The following CLHC1 variants were observed in gnomAD, a reference collection of about 807,000 sequenced individuals.
CLHC1 encodes the protein clathrin heavy chain linker domain containing 1.
A neutral mutation model predicts 69.5 loss-of-function variants in CLHC1; 72 were observed. That is an observed-to-expected ratio of 1.04 (90% CI 0.86 to 1.26). CLHC1 has a LOEUF of 1.26. Among genes scored for constraint, CLHC1 ranks in the 50% most tolerant of loss-of-function variants. CLHC1 has a pLI of 0.00. For missense variants in CLHC1, 790 were observed against 679.3 expected (o/e 1.16, Z -1.81); for synonymous variants, 223 against 224.3 (o/e 0.99, Z 0.05).
chr2:55,189,846 C>T (rs1264602406), intron 9 of CLHC1, among the ~76,000 whole-genome samples: 1 of 152,152 alleles, frequency 6.6e-6, no homozygotes, highest in East Asian at 1.9e-4. Context: ...AACTCTTCCA[C>T]CAGAATGGCA....
intron 9 of CLHC1, among the ~76,000 whole-genome samples, chr2:55,194,499 T>TC (rs1671211725): frequency 6.6e-6 from 1 of 151,674 alleles, no homozygotes; most frequent in Admixed American, 6.6e-5. Flanking sequence ...GGCAGAAATA[T>TC]CTCCTTTTAT....
chr2:55,181,784 G>A, intron 9 of CLHC1, 40 bp from the exon 10 acceptor site: 2 of 1,528,044 alleles, frequency 1.3e-6, no homozygotes, highest in South Asian at 1.2e-5. Context: ...AATACTTTAA[G>A]AAATAGTTTG....
chr2:55,217,857 T>A lies in CLHC1; in HGVS notation c.319A>T (p.Thr107Ser), dbSNP rs149195261. ...CTTTTCCTGTAATATACCAAAGCTG[T>A]AGGCTCTGCTGCCAAACCTTTAAGT... is the stretch of plus-strand genomic sequence containing the variant. ...GKLKGLAAEP[T>S]ALVYYRKRTI... Residue 107 changes from threonine to serine, a missense_variant, in exon 4 of 13, where the codon ACA becomes TCA. Transcript: ENST00000401408. The A allele has an allele frequency of 1.2e-6, 2 of 1,605,360 alleles. No individual in the cohort carries two copies. The highest frequency in any genetic ancestry group is 1.7e-6 in the Non-Finnish European group (2 of 1,177,222).
Position 55,229,150 on chromosome 2 carries a change from CAAAA to C in CLHC1, c.-255-950_-255-947del, listed in dbSNP as rs34823201. On this transcript the variant is annotated intron_variant, in intron 1 of 12. Transcript: ENST00000401408. ...TGGGCGACAGAGGGAGATTCTGTCT[CAAAA>C]AAAAAAAAAAAAAAAGAAAGAAAAA... 8.6e-3 allele frequency among the ~76,000 whole-genome samples: 935 copies of C among 108,204 alleles called. 2 individuals are homozygous for C. The highest frequency in any genetic ancestry group is 0.012 in the Non-Finnish European group (664 of 55,980). 71.0% of individuals were successfully genotyped at this position (108,204 alleles called of 152,430 possible).
chr2:55,229,798 G>A (rs772559277), intron 1 of CLHC1, among the ~76,000 whole-genome samples: 148 of 152,342 alleles, frequency 9.7e-4, no homozygotes, highest in Non-Finnish European at 1.7e-3. Context: ...TCTTGGCCAG[G>A]CATGGTGGCT....
At chr2:55,214,142 A>G (rs978205554) in intron 4 of CLHC1, among the ~76,000 whole-genome samples, 1 of 152,218 alleles carries the variant, frequency 6.6e-6, no homozygotes, top group Non-Finnish European at 1.5e-5. Flanking sequence ...AGGGTTCAGG[A>G]GAGCCTGAGT....
chr2:55,201,024 A>C (rs944833758), intron 9 of CLHC1, among the ~76,000 whole-genome samples: 6 of 152,100 alleles, frequency 3.9e-5, no homozygotes, highest in Non-Finnish European at 7.4e-5. Context: ...ATAGGATAAC[A>C]ATGAAAGCAG....
chr2:55,175,998 AAATAC>A lies in CLHC1; in HGVS notation c.1565-17_1565-13del. On this transcript the variant is annotated splice_polypyrimidine_tract_variant and intron_variant, in intron 12 of 12. Coordinates refer to ENST00000401408, the MANE Select transcript of CLHC1 (RefSeq NM_152385.4). Reference sequence around the variant, plus strand: ...ACTTTCTACTGCATCTGTGGGGAAAAAATACAATATTATAGTATGGCACTTATTTG... The same window carrying A: ...ACTTTCTACTGCATCTGTGGGGAAAAAATATTATAGTATGGCACTTATTTG... The A allele has an allele frequency of 6.2e-7, 1 of 1,601,258 alleles. No individual in the cohort carries two copies. Among genetic ancestry groups the A allele is most frequent in the Non-Finnish European group, 8.6e-7 (1 of 1,169,094 alleles).
chr2:55,208,912 C>T (rs1234553850), intron 7 of CLHC1, among the ~76,000 whole-genome samples: 3 of 144,886 alleles, frequency 2.1e-5, no homozygotes, highest in Non-Finnish European at 3.0e-5. Context: ...GCTCTGTCAC[C>T]CAGGCTGGAG....
At chr2:55,180,448 G>T in intron 11 of CLHC1, 62 bp downstream of exon 11, 2 of 1,208,134 alleles carry the variant, frequency 1.7e-6, no homozygotes, top group Non-Finnish European at 2.4e-6. Context: ...TGCTATTATG[G>T]GTAATCTTAC....
chr2:55,221,057 CTT>C (rs1192523655), intron 3 of CLHC1, among the ~76,000 whole-genome samples: 1 of 152,180 alleles, frequency 6.6e-6, no homozygotes, highest in African/African-American at 2.4e-5. Context: ...CTGAACCTCA[CTT>C]TCTCTTAGAG....
At chr2:55,190,583 G>C (rs938551748) in intron 9 of CLHC1, among the ~76,000 whole-genome samples, 64 of 152,220 alleles carry the variant, frequency 4.2e-4, no homozygotes, top group Non-Finnish European at 2.2e-4. Flanking sequence ...AAGTTACAGA[G>C]ATGAAAACTA....
intron 5 of CLHC1, among the ~76,000 whole-genome samples, chr2:55,211,259 T>G (rs1672972085): frequency 6.6e-6 from 1 of 152,108 alleles, no homozygotes; most frequent in Admixed American, 6.5e-5. Flanking sequence ...CCCAGCACTT[T>G]GGGAGGCCGA....
At chr2:55,178,632 G>A (rs1316447012) in intron 11 of CLHC1, among the ~76,000 whole-genome samples, 2 of 151,998 alleles carry the variant, frequency 1.3e-5, no homozygotes, top group Non-Finnish European at 2.9e-5. Context: ...GAGATTACAG[G>A]CATGCCCCAC....
chr2:55,200,035 G>A (rs1558478185), intron 9 of CLHC1, among the ~76,000 whole-genome samples: 1 of 151,842 alleles, frequency 6.6e-6, no homozygotes. Flanking sequence ...ATCAGCCCAG[G>A]CAACATGGTG....
intron 9 of CLHC1, among the ~76,000 whole-genome samples, chr2:55,190,722 A>T (rs10175803): frequency 0.25 from 37,882 of 152,126 alleles, 5,194 homozygotes; most frequent in African/African-American, 0.35. Flanking sequence ...TGGACAAAGA[A>T]TAAATGAGCT....
At chr2:55,215,178 G>C (rs767975174) in intron 4 of CLHC1, 1 of 152,198 alleles carries the variant, frequency 6.6e-6, no homozygotes, top group Non-Finnish European at 1.5e-5. Context: ...TGACTGGCCA[G>C]ATGTTGAGAT....
chr2:55,190,342 C>T (rs1031129542), intron 9 of CLHC1, among the ~76,000 whole-genome samples: 2 of 152,178 alleles, frequency 1.3e-5, no homozygotes, highest in East Asian at 3.9e-4. Context: ...CCACCATGCC[C>T]AGCCTAAAAT....
chr2:55,216,596 C>T (rs75605010), intron 4 of CLHC1, among the ~76,000 whole-genome samples: 2,380 of 151,676 alleles, frequency 0.016, 74 homozygotes, highest in African/African-American at 0.055. Flanking sequence ...AGTGCAGTGG[C>T]GCAATCATGG....
Sources: allele counts gnomAD v4.1 joint callset (sites outside exome capture counted in the v4.1 genomes callset), GRCh38; gene constraint gnomAD v4.1.1; transcripts MANE v1.5; gene names NCBI Gene and HGNC (gene_info 2026-07-23, HGNC 2026-07-21).